The following CSE1L variants were observed in gnomAD, a reference collection of about 807,000 sequenced individuals.
The protein encoded by CSE1L is chromosome segregation 1 like.
Under a neutral mutation model 120.4 loss-of-function variants are expected in CSE1L, and 24 were observed. The observed-to-expected ratio is 0.20, with a 90% confidence interval of 0.14 to 0.28. The LOEUF is 0.28. CSE1L is among the 10% of genes least tolerant of loss of function. CSE1L has a pLI of 1.00. For missense variants in CSE1L, 830 were observed against 1,145.2 expected (o/e 0.72, Z 3.97); for synonymous variants, 402 against 398.3 (o/e 1.01, Z -0.11).
chr20:49,084,307 C>T, intron 15 of CSE1L, 145 bp downstream of exon 15: 1 of 817,286 alleles, frequency 1.2e-6, no homozygotes, highest in Non-Finnish European at 1.8e-6. Flanking sequence ...ATTCTAAAAG[C>T]ATTTGAGGCT....
rs556445580 is a variant in CSE1L, at chr20:49,089,091, TA to T, written c.1822-147del. ...TTTTCATGGTGGACTTTGGGCCATT[TA>T]AAAAAAAATTCAAATGAACAAGCAC... On this transcript the variant is annotated intron_variant, in intron 17 of 24. Coordinates refer to ENST00000262982, the MANE Select transcript of CSE1L (RefSeq NM_001316.4). Among the ~76,000 whole-genome samples the T allele has an allele frequency of 3.1e-3, 465 of 151,790 alleles. 5 individuals are homozygous for T. The highest frequency in any genetic ancestry group is 3.0e-3 in the Non-Finnish European group (201 of 67,880).
chr20:49,090,727 C>A lies in CSE1L; in HGVS notation c.2182-15C>A, dbSNP rs758496783. ...TCCTGTTAACCATTTTCTGTTGGAT[C>A]TCATTTCTTAACAGCCTGGGTTACT... On this transcript the variant is annotated splice_polypyrimidine_tract_variant and intron_variant, in intron 19 of 24. Coordinates refer to ENST00000262982, the MANE Select transcript of CSE1L (RefSeq NM_001316.4). 6.2e-7 allele frequency: 1 copy of A among 1,601,654 alleles called. No individual in the cohort carries two copies. Among genetic ancestry groups the A allele is most frequent in the South Asian group, 1.1e-5 (1 of 90,534 alleles).
chr20:49,072,525 G>A lies in CSE1L; in HGVS notation c.937-43G>A, dbSNP rs371432131. 1.4e-5 allele frequency: 23 copies of A among 1,603,666 alleles called. No homozygotes were observed. The African/African-American group carries it at 2.2e-4, about 15-fold the overall frequency. ...TCTCCTCCAAGAAATAAGCTGTTGAGTTTTGCTTTTAAAAATATTCTTGTT... is the reference window on the plus strand; with the variant it reads ...TCTCCTCCAAGAAATAAGCTGTTGAATTTTGCTTTTAAAAATATTCTTGTT... On this transcript the variant is annotated intron_variant, in intron 9 of 24. Coordinates refer to ENST00000262982, the MANE Select transcript of CSE1L (RefSeq NM_001316.4).
chr20:49,078,128 A>G (rs1036476725), intron 13 of CSE1L, among the ~76,000 whole-genome samples: 2 of 152,232 alleles, frequency 1.3e-5, no homozygotes, highest in African/African-American at 4.8e-5. Context: ...TGAAGAGAAT[A>G]TTGTAATGAG....
At chr20:49,049,060 CAAG>C (rs1270014226) in intron 1 of CSE1L, among the ~76,000 whole-genome samples, 2 of 152,294 alleles carry the variant, frequency 1.3e-5, no homozygotes, top group African/African-American at 4.8e-5. Context: ...ATTCATTCAA[CAAG>C]AAGAACTTGG....
chr20:49,053,540 G>A (rs1457054075), intron 1 of CSE1L, among the ~76,000 whole-genome samples: 2 of 151,204 alleles, frequency 1.3e-5, no homozygotes, highest in East Asian at 1.9e-4. Context: ...TAGTAGAGAC[G>A]GGGTTTCACC....
At chr20:49,054,162 T>G (rs1017647812) in intron 1 of CSE1L, among the ~76,000 whole-genome samples, 3 of 152,130 alleles carry the variant, frequency 2.0e-5, no homozygotes, top group African/African-American at 4.8e-5. Context: ...AACACCTGGA[T>G]TAGAGGGAGT....
chr20:49,063,368 T>G, intron 3 of CSE1L, 24 bp downstream of exon 3: 2 of 1,382,878 alleles, frequency 1.4e-6, no homozygotes, highest in Admixed American at 2.3e-5. Context: ...GAATACATAA[T>G]TTAATACCCT....
chr20:49,086,338 T>A (rs2092057226), intron 16 of CSE1L, among the ~76,000 whole-genome samples: 1 of 150,686 alleles, frequency 6.6e-6, no homozygotes, highest in Non-Finnish European at 1.5e-5. Flanking sequence ...TATAATTGTG[T>A]AATTATTGTT....
In CSE1L at chr20:49,096,746, G is replaced by T; in HGVS notation, c.*308G>T. ...AATCTTAAATTTTGACGGACACTGTGGAGACTTTCTGTTACTAAATCCTTT... is the reference window on the plus strand; with the variant it reads ...AATCTTAAATTTTGACGGACACTGTTGAGACTTTCTGTTACTAAATCCTTT... On this transcript the variant is annotated 3_prime_UTR_variant, in exon 25 of 25. Transcript: ENST00000262982. The T allele has an allele frequency of 3.3e-6, 1 of 298,566 alleles. No homozygotes were observed. The highest frequency in any genetic ancestry group is 6.3e-6 in the Non-Finnish European group (1 of 159,882). The allele number at this position is 298,566 out of a possible 1,614,324, so 18.5% of individuals were successfully genotyped here.
intron 5 of CSE1L, 145 bp downstream of exon 5, chr20:49,066,655 T>C (rs1600601789): frequency 1.4e-6 from 1 of 715,062 alleles, no homozygotes; most frequent in South Asian, 2.0e-5. Context: ...TGCGTTTGTT[T>C]CTTCTCAACT....
chr20:49,070,965 G>A (rs963061466), intron 8 of CSE1L, among the ~76,000 whole-genome samples: 3 of 152,042 alleles, frequency 2.0e-5, no homozygotes, highest in Non-Finnish European at 4.4e-5. Context: ...ATTATCCACA[G>A]CTCGAGAAAG....
rs749184308 is a variant in CSE1L, at chr20:49,072,670, G to A, written c.1039G>A (p.Val347Ile). 1.2e-6 allele frequency: 2 copies of A among 1,612,960 alleles called. No individual in the cohort carries two copies. Among genetic ancestry groups the A allele is most frequent in the Non-Finnish European group, 1.7e-6 (2 of 1,179,686 alleles). The change falls in exon 10 of 25, where the codon GTT becomes ATT. Residue 347 changes from valine to isoleucine, a missense_variant. Coordinates refer to ENST00000262982, the MANE Select transcript of CSE1L (RefSeq NM_001316.4). Reference sequence around the variant, plus strand: ...CACGCTGACAAGTATCTGTGAAAAGGTTATTGTGCCTAACATGGAATTTAG... The same window carrying A: ...CACGCTGACAAGTATCTGTGAAAAGATTATTGTGCCTAACATGGAATTTAG... ...QNTLTSICEK[V>I]IVPNMEFRAA...
chr20:49,087,937 TC>T (rs1417032033), intron 16 of CSE1L, 71 bp from the exon 17 acceptor site: 10 of 1,001,222 alleles, frequency 1.0e-5, no homozygotes, highest in African/African-American at 6.6e-5. Flanking sequence ...TGCGCTTTTT[TC>T]CCCCCAGTCG....
intron 11 of CSE1L, among the ~76,000 whole-genome samples, chr20:49,075,063 A>G (rs570598222): frequency 6.6e-6 from 1 of 152,154 alleles, no homozygotes; most frequent in Non-Finnish European, 1.5e-5. Flanking sequence ...CTGTTCTTAC[A>G]TAGTATTTAT....
intron 21 of CSE1L, among the ~76,000 whole-genome samples, chr20:49,091,425 C>CAA (rs566370376): frequency 1.5e-5 from 2 of 137,782 alleles, no homozygotes; most frequent in African/African-American, 2.7e-5. Context: ...GACCCTGTCT[C>CAA]AAAAAAAAAA....
rs575770257 is a variant in CSE1L at position 49,076,766 on chromosome 20, AGT to A, written c.1336-212_1336-211del. 2.1e-5 allele frequency among the ~76,000 whole-genome samples: 3 copies of A among 145,252 alleles called. No individual in the cohort carries two copies. In the East Asian group the frequency reaches 6.3e-4, roughly 30 times the overall value. On this transcript the variant is annotated intron_variant, in intron 12 of 24. Transcript: ENST00000262982. ...GGCTAGTCTTGAACTCCTGACTTCA[AGT>A]GATCTACCCGCCTCGGCCTCCCAAA...
At chr20:49,053,171 TA>T (rs1351912358) in intron 1 of CSE1L, among the ~76,000 whole-genome samples, 5 of 129,484 alleles carry the variant, frequency 3.9e-5, no homozygotes, top group African/African-American at 1.2e-4. Context: ...TTTTTTTTTT[TA>T]AAGACAAAAT....
chr20:49,090,316 G>A (rs1310280287), intron 19 of CSE1L, among the ~76,000 whole-genome samples: 1 of 152,178 alleles, frequency 6.6e-6, no homozygotes, highest in African/African-American at 2.4e-5. Flanking sequence ...TCAGCACTTT[G>A]GGAGGCCGAG....
Sources: allele counts gnomAD v4.1 joint callset (sites outside exome capture counted in the v4.1 genomes callset), GRCh38; gene constraint gnomAD v4.1.1; transcripts MANE v1.5; gene names NCBI Gene and HGNC (gene_info 2026-07-23, HGNC 2026-07-21).